Variants in HTT observed in about 807,000 individuals in gnomAD.
HTT encodes huntington disease protein.
HTT carries 104 observed loss-of-function variants against 362.3 expected under a neutral mutation model. That is an observed-to-expected ratio of 0.29 (90% CI 0.24 to 0.34). The LOEUF is 0.34. Ranked by LOEUF, HTT falls within the 10% of genes least tolerant of loss-of-function variation. The probability of loss-of-function intolerance (pLI) is 1.00; values close to 1 mark genes in which losing one functional copy is unlikely to be tolerated. For synonymous variants in HTT, 1,577 were observed against 1,548.7 expected, an observed-to-expected ratio of 1.02 and a Z score of -0.43; for missense variants, 3,301 against 3,928.6, an observed-to-expected ratio of 0.84 and a Z score of 4.27.
At chr4:3,129,298 A>G (rs1044299734) in intron 12 of HTT, 6 of 152,318 alleles carry the variant, frequency 3.9e-5, no homozygotes, top group African/African-American at 1.2e-4. Context: ...TTACATTCCA[A>G]TTTTAATTTA....
At chr4:3,129,845 C>G in intron 12 of HTT, 79 bp from the exon 13 acceptor site, 16 of 1,545,006 alleles carry the variant, frequency 1.0e-5, no homozygotes, top group Non-Finnish European at 1.4e-5. Context: ...GCTCTTTCCT[C>G]ATTGCACTTC....
chr4:3,138,517 G>A (rs1329581402), intron 21 of HTT, among the ~76,000 whole-genome samples: 1 of 152,126 alleles, frequency 6.6e-6, no homozygotes, highest in Admixed American at 6.5e-5. Context: ...CCCACTACCA[G>A]AATGTGATTG....
intron 38 of HTT, among the ~76,000 whole-genome samples, chr4:3,186,969 C>G (rs1344370040): frequency 6.6e-6 from 1 of 151,498 alleles, no homozygotes; most frequent in Non-Finnish European, 1.5e-5. Flanking sequence ...CACCATTCTC[C>G]TGCCTCAGCC....
At chr4:3,158,830 C>T (rs1416136654) in intron 28 of HTT, among the ~76,000 whole-genome samples, 2 of 152,110 alleles carry the variant, frequency 1.3e-5, no homozygotes, top group African/African-American at 4.8e-5. Flanking sequence ...AGAGAAGATA[C>T]TTCTTTTCCA....
chr4:3,161,415 A>G (rs1333712366), intron 29 of HTT, among the ~76,000 whole-genome samples: 1 of 152,188 alleles, frequency 6.6e-6, no homozygotes, highest in Non-Finnish European at 1.5e-5. Flanking sequence ...AGAATGATTT[A>G]TAATCCTTTG....
intron 21 of HTT, among the ~76,000 whole-genome samples, chr4:3,139,464 C>T (rs1049479466): frequency 6.6e-6 from 1 of 152,296 alleles, no homozygotes; most frequent in East Asian, 1.9e-4. Flanking sequence ...TCCCAAAGTG[C>T]TGGGATTACA....
At chr4:3,179,697 G>T (rs1718412791) in intron 35 of HTT, among the ~76,000 whole-genome samples, 1 of 149,454 alleles carries the variant, frequency 6.7e-6, no homozygotes. Flanking sequence ...GCCTCTGTGT[G>T]TGTGCTCATG....
In HTT at chr4:3,131,735, C is replaced by A. The variant is rs1715825633; in HGVS notation, c.2196C>A (p.Ser732Arg). Residue 732 changes from serine (S) to arginine (R), a missense_variant, in exon 16 of 67, where the codon AGC becomes AGA. Ser to Arg is a moderately radical substitution (Grantham distance 110). This residue lies in a region of HTT where 2,316 missense variants were observed against 2,658.5 expected (regional missense o/e 0.87). Transcript: ENST00000355072. The part of the protein sequence containing the change: ...AVALHPESFF[S>R]KLYKVPLDTT... ...CCCTCCACCCGGAATCTTTCTTCAG[C>A]AAACTCTATAAAGTTCCTCTTGACA... is the stretch of plus-strand genomic sequence containing the variant. The A allele has an allele frequency of 6.2e-7, 1 of 1,613,936 alleles. No individual in the cohort carries two copies. Among genetic ancestry groups the A allele is most frequent in the Non-Finnish European group, 8.5e-7 (1 of 1,179,964 alleles).
chr4:3,180,472 T>C, intron 35 of HTT, 43 bp from the exon 36 acceptor site: 1 of 1,514,760 alleles, frequency 6.6e-7, no homozygotes, highest in Non-Finnish European at 8.8e-7. Flanking sequence ...CCAAATGTAA[T>C]TTCCATGAAA....
chr4:3,109,631 T>G (rs1047856249), intron 6 of HTT, among the ~76,000 whole-genome samples: 3 of 152,222 alleles, frequency 2.0e-5, no homozygotes, highest in Admixed American at 6.5e-5. Context: ...TGTACGTTAT[T>G]ATGCCTAAGT....
intron 29 of HTT, among the ~76,000 whole-genome samples, chr4:3,165,256 T>C (rs1578553079): frequency 6.6e-6 from 1 of 152,328 alleles, no homozygotes; most frequent in Non-Finnish European, 1.5e-5. Context: ...CTCCCACTCT[T>C]TTCTGGCTTG....
At chr4:3,207,700 A>G (rs575230001) in intron 45 of HTT, among the ~76,000 whole-genome samples, 1 of 152,356 alleles carries the variant, frequency 6.6e-6, no homozygotes, top group East Asian at 1.9e-4. Context: ...AAAGCATGTC[A>G]TCTAATTGCT....
At chr4:3,104,781 A>G (rs139032357) in intron 4 of HTT, among the ~76,000 whole-genome samples, 154 of 152,194 alleles carry the variant, frequency 1.0e-3, no homozygotes, top group African/African-American at 2.9e-3. Context: ...GTGCACAACT[A>G]TAGTCTCAGC....
chr4:3,080,818 G>A (rs756634984), intron 1 of HTT, among the ~76,000 whole-genome samples: 1 of 152,178 alleles, frequency 6.6e-6, no homozygotes, highest in Non-Finnish European at 1.5e-5. Flanking sequence ...TGGTTATTCA[G>A]TTGTCCCAGC....
intron 23 of HTT, among the ~76,000 whole-genome samples, chr4:3,143,112 T>TA (rs1253391357): frequency 6.6e-6 from 1 of 151,900 alleles, no homozygotes; most frequent in Non-Finnish European, 1.5e-5. Context: ...ACGCCCAAAA[T>TA]AAAAAAATTC....
In HTT at chr4:3,210,291, A is replaced by G. The variant is rs556353319; in HGVS notation, c.6414+342A>G. Among the ~76,000 whole-genome samples, 8 of 152,344 alleles carry G rather than the reference A, an allele frequency of 5.3e-5. No individual in the cohort carries two copies. The East Asian group carries it at 1.5e-3, about 29-fold the overall frequency. The stretch of plus-strand genomic sequence containing the variant: ...GAACTATCTGGCCTCCACTGGAGGA[A>G]CAAACACAGGATGTTATCATCTAAG... On this transcript the variant is annotated intron_variant, in intron 47 of 66. Transcript: ENST00000355072.
At chr4:3,176,025 G>GTTTTTTTTTTTTTTTT (rs777646822) in intron 33 of HTT, among the ~76,000 whole-genome samples, 2 of 139,126 alleles carry the variant, frequency 1.4e-5, no homozygotes, top group African/African-American at 5.9e-5. Flanking sequence ...GTTGTTGTTT[G>GTTTTTTTTTTTTTTTT]TTTTTTTTTG....
rs780172122 is a variant in HTT, at chr4:3,132,879, G to T, written c.2461G>T (p.Val821Phe). Residue 821 changes from valine (V) to phenylalanine (F), a missense_variant, in exon 18 of 67, where the codon GTT (valine) becomes TTT (phenylalanine). Val to Phe is a conservative substitution (Grantham distance 50, BLOSUM62 -1). Transcript: ENST00000355072. ...GAAAACACTGAAGGATGAGTCTTCT[G>T]TTACTTGCAAGTTAGCTTGTACAGC... The part of the protein sequence containing the change: ...LRKTLKDESS[V>F]TCKLACTAVR... The T allele has an allele frequency of 9.3e-6, 15 of 1,613,894 alleles. No individual in the cohort carries two copies. The highest frequency in any genetic ancestry group is 1.3e-5 in the African/African-American group (1 of 74,902).
At chr4:3,215,414 G>A (rs1273183835) in intron 51 of HTT, among the ~76,000 whole-genome samples, 3 of 152,074 alleles carry the variant, frequency 2.0e-5, no homozygotes, top group South Asian at 2.1e-4. Flanking sequence ...CACCTTATCC[G>A]TACACATGCG....
Sources: gnomAD v4.1 joint callset for allele counts (sites outside exome capture counted in the v4.1 genomes callset) on GRCh38, gnomAD v4.1.1 for gene constraint, gnomAD v4.1.1 regional missense constraint, MANE v1.5 for transcripts, NCBI Gene and HGNC (gene_info 2026-07-23, HGNC 2026-07-21) for gene names.